JARID2: variants seen among roughly 807,000 people sequenced by gnomAD.
JARID2 encodes the protein jumonji and AT-rich interaction domain containing 2.
Under a neutral mutation model 125.6 loss-of-function variants are expected in JARID2, and 21 were observed. The ratio of observed to expected loss-of-function variants is 0.17; its 90% CI spans 0.12 to 0.24. The LOEUF is 0.24. JARID2 is among the 10% of genes least tolerant of loss of function. The pLI, the probability that JARID2 is intolerant of heterozygous loss-of-function variation, is 1.00. For synonymous variants in JARID2, 736 were observed against 661.6 expected, an observed-to-expected ratio of 1.11 and a Z score of -1.73; for missense variants, 1,303 against 1,639.6, an observed-to-expected ratio of 0.79 and a Z score of 3.55.
In JARID2 at chr6:15,252,118, G is replaced by T. The variant is rs189052075; in HGVS notation, c.45+5534G>T. Reference sequence around the variant, plus strand: ...AAGGACTGTCCACACACATTGCTTTGCAAGTGATTCCCTTTTAAGAACCAA... The same window carrying T: ...AAGGACTGTCCACACACATTGCTTTTCAAGTGATTCCCTTTTAAGAACCAA... On this transcript the variant is annotated intron_variant, in intron 1 of 17. Coordinates refer to ENST00000341776, the MANE Select transcript of JARID2 (RefSeq NM_004973.4). 6.2e-4 allele frequency among the ~76,000 whole-genome samples: 95 copies of T among 152,268 alleles called. 1 individual carries two copies. Among genetic ancestry groups the T allele is most frequent in the African/African-American group, 2.2e-3 (93 of 41,556 alleles).
At chr6:15,377,073 G>A (rs1040859176) in intron 2 of JARID2, among the ~76,000 whole-genome samples, 1 of 152,186 alleles carries the variant, frequency 6.6e-6, no homozygotes, top group African/African-American at 2.4e-5. Flanking sequence ...CATCACTCAT[G>A]TCCTATCTCA....
chr6:15,430,727 T>C (rs1484648764), intron 3 of JARID2, among the ~76,000 whole-genome samples: 1 of 152,172 alleles, frequency 6.6e-6, no homozygotes, highest in Non-Finnish European at 1.5e-5. Context: ...TTGTGGGGCA[T>C]GCTTTCCAGT....
intron 5 of JARID2, among the ~76,000 whole-genome samples, chr6:15,472,016 T>A (rs1284750654): frequency 1.3e-5 from 2 of 152,058 alleles, no homozygotes; most frequent in Admixed American, 6.5e-5. Context: ...TATTTAAAAA[T>A]TTTTTTAATT....
intron 17 of JARID2, 76 bp from the exon 18 acceptor site, chr6:15,519,993 C>A: frequency 2.3e-6 from 3 of 1,301,174 alleles, no homozygotes; most frequent in Admixed American, 2.3e-5. Context: ...CCTAAACTTG[C>A]CCCTGCATGG....
chr6:15,357,214 C>T (rs77268692), intron 1 of JARID2, among the ~76,000 whole-genome samples: 1 of 152,160 alleles, frequency 6.6e-6, no homozygotes, highest in Non-Finnish European at 1.5e-5. Context: ...TATGTAAAGT[C>T]TTCATGAAGT....
intron 3 of JARID2, among the ~76,000 whole-genome samples, chr6:15,415,678 C>T (rs1331478872): frequency 7.0e-6 from 1 of 141,846 alleles, no homozygotes; most frequent in Non-Finnish European, 1.5e-5. Flanking sequence ...GACGGGGTGG[C>T]TGGCCGGGCG....
chr6:15,366,917 T>C (rs1764001204), intron 1 of JARID2, among the ~76,000 whole-genome samples: 1 of 152,218 alleles, frequency 6.6e-6, no homozygotes, highest in African/African-American at 2.4e-5. Context: ...TATATTTGTT[T>C]TATAATATTT....
intron 3 of JARID2, among the ~76,000 whole-genome samples, chr6:15,417,077 A>G (rs555437030): frequency 1.3e-5 from 2 of 152,224 alleles, no homozygotes; most frequent in East Asian, 3.8e-4. Flanking sequence ...TCTGAAGTGT[A>G]CGATTCAAAA....
intron 3 of JARID2, among the ~76,000 whole-genome samples, chr6:15,413,267 C>T (rs1765985050): frequency 6.6e-6 from 1 of 152,074 alleles, no homozygotes; most frequent in South Asian, 2.1e-4. Flanking sequence ...CCCACCTCGG[C>T]CTCCCAAAGT....
At chr6:15,517,511 C>T (rs760335579) in intron 17 of JARID2, among the ~76,000 whole-genome samples, 22 of 152,228 alleles carry the variant, frequency 1.4e-4, no homozygotes, top group Non-Finnish European at 3.1e-4. Context: ...GGCTGAGGCT[C>T]TTCCTGCAGC....
chr6:15,413,573 G>A (rs146450149), intron 3 of JARID2, among the ~76,000 whole-genome samples: 6 of 152,282 alleles, frequency 3.9e-5, no homozygotes, highest in Non-Finnish European at 8.8e-5. Flanking sequence ...ACAAGAAAGT[G>A]CTAAGCTCGG....
chr6:15,368,030 T>C lies in JARID2; in HGVS notation c.46-6087T>C, dbSNP rs550311303. Among the ~76,000 whole-genome samples the C allele has an allele frequency of 1.3e-4, 20 of 152,314 alleles. No homozygotes were observed. The East Asian group carries it at 3.9e-3, about 29-fold the overall frequency. On this transcript the variant is annotated intron_variant, in intron 1 of 17. Transcript: ENST00000341776. Reference sequence around the variant, plus strand: ...AACACCATCCTGTAAAGGCTTTTTCTTGGTGGGTGATCCAACCAACCTTGA... The same window carrying C: ...AACACCATCCTGTAAAGGCTTTTTCCTGGTGGGTGATCCAACCAACCTTGA...
intron 1 of JARID2, chr6:15,248,075 T>A (rs1359933902): frequency 1.7e-5 from 17 of 985,038 alleles, no homozygotes; most frequent in Non-Finnish European, 2.0e-5. Context: ...TTTTCTTTCT[T>A]ATTGCGGGCG....
intron 13 of JARID2, among the ~76,000 whole-genome samples, chr6:15,511,743 G>C (rs1771289251): frequency 6.6e-6 from 1 of 152,200 alleles, no homozygotes; most frequent in Non-Finnish European, 1.5e-5. Flanking sequence ...AAGTCATGGG[G>C]CTGGTGAGTT....
chr6:15,337,015 G>A (rs114929512), intron 1 of JARID2, among the ~76,000 whole-genome samples: 87 of 152,284 alleles, frequency 5.7e-4, no homozygotes, highest in African/African-American at 2.1e-3. Flanking sequence ...ACTTAAATGT[G>A]TAATGGGAAA....
chr6:15,451,608 T>C (rs935822099), intron 3 of JARID2, among the ~76,000 whole-genome samples: 11 of 152,324 alleles, frequency 7.2e-5, no homozygotes, highest in African/African-American at 2.4e-4. Flanking sequence ...ATAGGATGTA[T>C]ATAAATACAG....
intron 1 of JARID2, among the ~76,000 whole-genome samples, chr6:15,371,379 C>T (rs150375012): frequency 2.0e-5 from 3 of 152,234 alleles, no homozygotes; most frequent in East Asian, 1.9e-4. Context: ...TATAATCTCA[C>T]GTCATTGTTT....
chr6:15,370,246 T>C (rs1416338663), intron 1 of JARID2, among the ~76,000 whole-genome samples: 5 of 151,986 alleles, frequency 3.3e-5, no homozygotes, highest in African/African-American at 7.3e-5. Context: ...AAGACAGCTA[T>C]TGAGAAAATG....
intron 3 of JARID2, among the ~76,000 whole-genome samples, chr6:15,444,059 CA>C (rs766764984): frequency 1.3e-5 from 2 of 152,124 alleles, no homozygotes; most frequent in Non-Finnish European, 2.9e-5. Flanking sequence ...TTTGCATAAA[CA>C]AAGTGTTCCA....
Sources: allele counts gnomAD v4.1 joint callset (sites outside exome capture counted in the v4.1 genomes callset), GRCh38; gene constraint gnomAD v4.1.1; transcripts MANE v1.5; gene names NCBI Gene and HGNC (gene_info 2026-07-23, HGNC 2026-07-21).